The following PTPRD variants were observed in gnomAD, a reference collection of about 807,000 sequenced individuals.
PTPRD encodes protein tyrosine phosphatase receptor type D, also known as receptor-type tyrosine-protein phosphatase delta.
A neutral mutation model predicts 214.5 loss-of-function variants in PTPRD; 34 were observed. The ratio of observed to expected loss-of-function variants is 0.16; its 90% CI spans 0.12 to 0.21. The LOEUF (loss-of-function observed/expected upper bound fraction) is 0.21. PTPRD is among the 10% of genes least tolerant of loss of function. The pLI, the probability that PTPRD is intolerant of heterozygous loss-of-function variation, is 1.00. For synonymous variants in PTPRD, 1,128 were observed against 845.7 expected, an observed-to-expected ratio of 1.33 and a Z score of -5.79; for missense variants, 2,545 against 2,398.7, an observed-to-expected ratio of 1.06 and a Z score of -1.27.
At chr9:9,259,756 G>T (rs1426870461) in intron 9 of PTPRD, among the ~76,000 whole-genome samples, 1 of 151,898 alleles carries the variant, frequency 6.6e-6, no homozygotes, top group African/African-American at 2.4e-5. Context: ...CGCAGATCAG[G>T]TGGAGAAGAA....
intron 2 of PTPRD, among the ~76,000 whole-genome samples, chr9:10,411,678 CTTATTAGCTACTAA>C (rs1014524945): frequency 4.0e-5 from 6 of 151,576 alleles, no homozygotes; most frequent in Admixed American, 1.3e-4. Flanking sequence ...ATTTTTTTTA[CTTATTAGCTACTAA>C]TTATTAGCTA....
intron 7 of PTPRD, among the ~76,000 whole-genome samples, chr9:9,655,130 C>T (rs187824341): frequency 6.6e-6 from 1 of 152,088 alleles, no homozygotes; most frequent in Admixed American, 6.5e-5. Flanking sequence ...ATAACACACA[C>T]CTTGTTATAA....
intron 10 of PTPRD, among the ~76,000 whole-genome samples, chr9:9,054,235 A>G (rs2099692122): frequency 6.6e-6 from 1 of 152,178 alleles, no homozygotes; most frequent in Non-Finnish European, 1.5e-5. Context: ...GAATAGTTAA[A>G]TCACATTCTC....
chr9:9,934,558 A>T (rs922414555), intron 5 of PTPRD, among the ~76,000 whole-genome samples: 58 of 151,640 alleles, frequency 3.8e-4, no homozygotes, highest in African/African-American at 1.4e-3. Flanking sequence ...GACCAATAAC[A>T]GGATCTGAAA....
At position 8,877,305 on chromosome 9, in the gene PTPRD, T is replaced by A. The variant is rs1045524877; in HGVS notation, c.-104+141392A>T. Among the ~76,000 whole-genome samples the A allele has an allele frequency of 1.2e-4, 19 of 152,296 alleles. No individual in the cohort carries two copies. The Middle Eastern group carries it at 0.01, about 82-fold the overall frequency. ...GGGCTTTATTCCAAAAACTCCAACA[T>A]GAATAACCCAGGGTAATGTCTATGT... On this transcript the variant is annotated intron_variant, in intron 11 of 45. Coordinates refer to ENST00000381196, the MANE Select transcript of PTPRD (RefSeq NM_002839.4).
At chr9:10,189,767 G>A (rs1375127771) in intron 3 of PTPRD, among the ~76,000 whole-genome samples, 6 of 152,252 alleles carry the variant, frequency 3.9e-5, no homozygotes, top group African/African-American at 1.4e-4. Context: ...AATTTTCTGA[G>A]AAATCAAAAC....
chr9:9,790,762 T>C (rs1001459515), intron 5 of PTPRD, among the ~76,000 whole-genome samples: 1 of 152,228 alleles, frequency 6.6e-6, no homozygotes, highest in African/African-American at 2.4e-5. Context: ...TAAAATTGTC[T>C]AATGAATCTC....
intron 2 of PTPRD, among the ~76,000 whole-genome samples, chr9:10,344,523 G>C (rs1323847677): frequency 6.6e-6 from 1 of 151,910 alleles, no homozygotes; most frequent in Non-Finnish European, 1.5e-5. Flanking sequence ...GCTCTTTTTT[G>C]GTTTCATACA....
chr9:9,068,071 A>G (rs1045879115), intron 10 of PTPRD, among the ~76,000 whole-genome samples: 1 of 152,166 alleles, frequency 6.6e-6, no homozygotes, highest in Non-Finnish European at 1.5e-5. Context: ...TTATATACAT[A>G]AATACATTTA....
rs113398003 is a variant in PTPRD at position 9,038,387 on chromosome 9, G to A, written c.-142-19652C>T. Among the ~76,000 whole-genome samples the A allele has an allele frequency of 4.4e-3, 664 of 152,068 alleles. 1 individual carries two copies. The highest frequency in any genetic ancestry group is 7.4e-3 in the Non-Finnish European group (500 of 67,994). ...TCTTCAGCAAAATTCCCCCCACTTC[G>A]CTGTACTTCTAAACACCCCCACATA... On this transcript the variant is annotated intron_variant, in intron 10 of 45. Transcript: ENST00000381196.
At chr9:9,117,517 T>C (rs2099813551) in intron 10 of PTPRD, among the ~76,000 whole-genome samples, 1 of 152,162 alleles carries the variant, frequency 6.6e-6, no homozygotes, top group Admixed American at 6.5e-5. Flanking sequence ...ACTAAATACT[T>C]TGGACACTCC....
intron 26 of PTPRD, among the ~76,000 whole-genome samples, chr9:8,495,394 C>T (rs946721401): frequency 6.6e-6 from 1 of 152,182 alleles, no homozygotes; most frequent in Non-Finnish European, 1.5e-5. Context: ...ACTGCCTCAA[C>T]TCTGTTGCAT....
At chr9:10,380,690 A>G (rs2097802149) in intron 2 of PTPRD, among the ~76,000 whole-genome samples, 1 of 152,046 alleles carries the variant, frequency 6.6e-6, no homozygotes, top group East Asian at 1.9e-4. Context: ...TCCACTAGTA[A>G]TTGTGAAAAA....
At chr9:9,720,319 GAAGAAGTCAGTATTA>G (rs1402260401) in intron 7 of PTPRD, among the ~76,000 whole-genome samples, 4 of 152,214 alleles carry the variant, frequency 2.6e-5, no homozygotes, top group Non-Finnish European at 5.9e-5. Flanking sequence ...AACAGTCACA[GAAGAAGTCAGTATTA>G]AAAGAGCCCT....
intron 14 of PTPRD, among the ~76,000 whole-genome samples, chr9:8,571,963 C>G (rs1419308867): frequency 6.6e-6 from 1 of 152,082 alleles, no homozygotes; most frequent in East Asian, 1.9e-4. Flanking sequence ...AGGAATAAAA[C>G]TGTGAAAGAA....
intron 3 of PTPRD, among the ~76,000 whole-genome samples, chr9:10,326,599 T>C (rs985797193): frequency 1.3e-5 from 2 of 151,696 alleles, no homozygotes; most frequent in African/African-American, 4.8e-5. Flanking sequence ...ATTTTGGTTT[T>C]ATTGAATATT....
intron 2 of PTPRD, among the ~76,000 whole-genome samples, chr9:10,356,451 G>A (rs927808055): frequency 2.0e-5 from 3 of 152,092 alleles, no homozygotes; most frequent in African/African-American, 7.2e-5. Flanking sequence ...CTGTAGGGTT[G>A]TATACTTTTA....
intron 11 of PTPRD, among the ~76,000 whole-genome samples, chr9:9,000,512 T>G (rs962006504): frequency 1.3e-5 from 2 of 151,978 alleles, no homozygotes; most frequent in Admixed American, 1.3e-4. Context: ...TATTAACCTT[T>G]TTAAAAAACT....
intron 9 of PTPRD, among the ~76,000 whole-genome samples, chr9:9,270,869 G>C (rs1942594979): frequency 6.6e-6 from 1 of 151,288 alleles, no homozygotes. Context: ...CTCATTAATG[G>C]AATAGATATC....
Sources: allele counts gnomAD v4.1 joint callset (sites outside exome capture counted in the v4.1 genomes callset), GRCh38; gene constraint gnomAD v4.1.1; transcripts MANE v1.5; gene names NCBI Gene and HGNC (gene_info 2026-07-23, HGNC 2026-07-21).